Variants in MGAT4C observed in about 807,000 individuals in gnomAD.
The protein encoded by MGAT4C is MGAT4 family member C, also known as alpha-1,3-mannosyl-glycoprotein 4-beta-N-acetylglucosaminyltransferase C.
MGAT4C carries 19 observed loss-of-function variants against 40.1 expected under a neutral mutation model. That is an observed-to-expected ratio of 0.47 (90% CI 0.33 to 0.70). The LOEUF is 0.70. MGAT4C is among the 30% of genes least tolerant of loss of function. The probability of loss-of-function intolerance (pLI) is 0.02; values close to 1 mark genes in which losing one functional copy is unlikely to be tolerated. For synonymous variants in MGAT4C, 181 were observed against 187.1 expected (o/e 0.97, Z 0.27); for missense variants, 491 against 563.2 (o/e 0.87, Z 1.30).
chr12:86,673,975 A>G (rs186799669), intron 2 of MGAT4C, among the ~76,000 whole-genome samples: 1 of 152,176 alleles, frequency 6.6e-6, no homozygotes, highest in East Asian at 1.9e-4. Flanking sequence ...AAATGATGGC[A>G]TTGCACTAAA....
chr12:86,471,302 T>C (rs1360115121), intron 2 of MGAT4C, among the ~76,000 whole-genome samples: 1 of 152,012 alleles, frequency 6.6e-6, no homozygotes, highest in Admixed American at 6.6e-5. Flanking sequence ...GAGTTTTCAA[T>C]GTACATGAAT....
chr12:86,831,879 C>A (rs1164458149), intron 1 of MGAT4C, among the ~76,000 whole-genome samples: 1 of 151,768 alleles, frequency 6.6e-6, no homozygotes, highest in South Asian at 2.1e-4. Flanking sequence ...GATTGACAAC[C>A]TTTCTCTTTA....
In MGAT4C at chr12:85,957,656, G is replaced by GAAAAAAAAAAA. The variant is rs1882868368; in HGVS notation, c.*21632_*21633insTTTTTTTTTTT. On this transcript the variant is annotated 3_prime_UTR_variant, in exon 5 of 5. Coordinates refer to ENST00000611864, the MANE Select transcript of MGAT4C (RefSeq NM_001351288.2). ...TTTTACTGTAGAGTTGAATAAGAAA[G>GAAAAAAAAAAA]CAAAAAAAAAAAAAAAAGAAAAAAG... 2 of 15,734 alleles carry GAAAAAAAAAAA rather than the reference G, an allele frequency of 1.3e-4. No homozygotes were observed. Among genetic ancestry groups the GAAAAAAAAAAA allele is most frequent in the Non-Finnish European group, 1.6e-4 (1 of 6,132 alleles). 1.0% of individuals were successfully genotyped at this position (15,734 alleles called of 1,614,324 possible).
intron 2 of MGAT4C, among the ~76,000 whole-genome samples, chr12:86,010,136 A>C (rs984710973): frequency 1.3e-5 from 2 of 152,220 alleles, no homozygotes; most frequent in African/African-American, 4.8e-5. Context: ...AAATACAAGA[A>C]GATAGAAAGG....
chr12:86,578,510 G>T (rs950010672), intron 2 of MGAT4C, among the ~76,000 whole-genome samples: 1 of 151,702 alleles, frequency 6.6e-6, no homozygotes, highest in Non-Finnish European at 1.5e-5. Flanking sequence ...GCTTTTCTTT[G>T]CAGGGAAACT....
At chr12:86,328,557 C>T (rs1437373111) in intron 4 of MGAT4C, among the ~76,000 whole-genome samples, 1 of 151,710 alleles carries the variant, frequency 6.6e-6, no homozygotes, top group East Asian at 1.9e-4. Flanking sequence ...AAAATATTAC[C>T]ATTTATAATA....
At chr12:86,221,316 T>C (rs1024574434) in intron 1 of MGAT4C, among the ~76,000 whole-genome samples, 2 of 152,176 alleles carry the variant, frequency 1.3e-5, no homozygotes, top group Non-Finnish European at 2.9e-5. Flanking sequence ...AATACTTGTA[T>C]GTGGCTACCT....
intron 1 of MGAT4C, among the ~76,000 whole-genome samples, chr12:86,076,790 G>A (rs1435562914): frequency 6.6e-6 from 1 of 152,068 alleles, no homozygotes; most frequent in African/African-American, 2.4e-5. Context: ...ACAACACGTG[G>A]GAATTCTGGG....
intron 3 of MGAT4C, among the ~76,000 whole-genome samples, chr12:86,398,836 G>C (rs953153047): frequency 6.6e-6 from 1 of 152,022 alleles, no homozygotes; most frequent in Admixed American, 6.6e-5. Context: ...TCCATTTTAG[G>C]AGTCCTGCCC....
intron 1 of MGAT4C, among the ~76,000 whole-genome samples, chr12:86,174,424 A>G (rs2135842845): frequency 6.6e-6 from 1 of 152,266 alleles, no homozygotes; most frequent in Non-Finnish European, 1.5e-5. Flanking sequence ...TGCAAAATTT[A>G]GATAATAAAT....
intron 2 of MGAT4C, among the ~76,000 whole-genome samples, chr12:86,006,381 C>T (rs912323546): frequency 6.6e-6 from 1 of 152,122 alleles, no homozygotes; most frequent in East Asian, 1.9e-4. Flanking sequence ...TCATTAAATT[C>T]CTGACTGCTA....
At chr12:86,360,071 A>T (rs1955425252) in intron 3 of MGAT4C, among the ~76,000 whole-genome samples, 2 of 152,212 alleles carry the variant, frequency 1.3e-5, no homozygotes, top group African/African-American at 4.8e-5. Flanking sequence ...AAGAACATTG[A>T]TGCAAAAATC....
intron 2 of MGAT4C, among the ~76,000 whole-genome samples, chr12:86,456,023 A>G (rs1266194092): frequency 6.6e-6 from 1 of 152,178 alleles, no homozygotes; most frequent in Admixed American, 6.5e-5. Context: ...ATGTAAGAAA[A>G]ATATGCTTAA....
chr12:86,116,570 T>A (rs1878459251), intron 1 of MGAT4C, among the ~76,000 whole-genome samples: 1 of 152,034 alleles, frequency 6.6e-6, no homozygotes. Context: ...TGTAGAAAAT[T>A]TAATAAGGAC....
intron 1 of MGAT4C, among the ~76,000 whole-genome samples, chr12:86,236,379 T>G (rs1468523353): frequency 6.6e-6 from 1 of 152,066 alleles, no homozygotes; most frequent in African/African-American, 2.4e-5. Context: ...GTCTTTATTT[T>G]AGGAAAAAGA....
chr12:86,345,726 GCC>G lies in MGAT4C; in HGVS notation c.-119-11601_-119-11600del, dbSNP rs1009651267. Among the ~76,000 whole-genome samples the G allele has an allele frequency of 9.9e-4, 150 of 152,232 alleles. 1 individual carries two copies. Among genetic ancestry groups the G allele is most frequent in the African/African-American group, 3.5e-3 (145 of 41,536 alleles). On this transcript the variant is annotated intron_variant, in intron 3 of 7. Transcript: ENST00000548651. Reference sequence around the variant, plus strand: ...CTGCAATAAACATACATGTCCATGTGCCTTTATAACAGCATGATTTATAATCC... The same window carrying G: ...CTGCAATAAACATACATGTCCATGTGTTTATAACAGCATGATTTATAATCC...
At chr12:86,051,353 C>T (rs1892872159) in intron 1 of MGAT4C, among the ~76,000 whole-genome samples, 2 of 151,872 alleles carry the variant, frequency 1.3e-5, no homozygotes, top group Non-Finnish European at 2.9e-5. Flanking sequence ...AATGGAATTG[C>T]TTATTCATCT....
At chr12:86,123,458 G>A (rs1424389877) in intron 1 of MGAT4C, among the ~76,000 whole-genome samples, 2 of 152,098 alleles carry the variant, frequency 1.3e-5, no homozygotes, top group East Asian at 3.8e-4. Context: ...TTTGAGCACA[G>A]AGAATCTATG....
intron 1 of MGAT4C, among the ~76,000 whole-genome samples, chr12:86,736,656 C>T (rs1950989610): frequency 6.6e-6 from 1 of 151,616 alleles, no homozygotes; most frequent in Admixed American, 6.6e-5. Context: ...AATTCATTCA[C>T]TTTTTTACTG....
Sources: allele counts gnomAD v4.1 joint callset (sites outside exome capture counted in the v4.1 genomes callset), GRCh38; gene constraint gnomAD v4.1.1; transcripts MANE v1.5; gene names NCBI Gene and HGNC (gene_info 2026-07-23, HGNC 2026-07-21).